The following SEPTIN11 variants were observed in gnomAD, a reference collection of about 807,000 sequenced individuals.
The protein encoded by SEPTIN11 is septin 11, also known as septin-11.
SEPTIN11 carries 25 observed loss-of-function variants against 51.4 expected under a neutral mutation model. The ratio of observed to expected loss-of-function variants is 0.49; its 90% CI spans 0.35 to 0.68. The LOEUF (loss-of-function observed/expected upper bound fraction) is 0.68, where lower values mean the gene tolerates loss of function less well. Among genes scored for constraint, SEPTIN11 ranks in the 30% least tolerant of loss-of-function variants. SEPTIN11 has a pLI of 0.00. For missense variants in SEPTIN11, 381 were observed against 520.8 expected (o/e 0.73, Z 2.61); for synonymous variants, 174 against 184.1 (o/e 0.95, Z 0.44).
chr4:76,949,813 G>A lies in SEPTIN11; in HGVS notation c.-91G>A. The A allele has an allele frequency of 7.2e-7, 1 of 1,391,082 alleles. No homozygotes were observed. The highest frequency in any genetic ancestry group is 1.3e-5 in the South Asian group (1 of 78,430). The allele number at this position is 1,391,082 out of a possible 1,614,324, so 86.2% of individuals were successfully genotyped here. Reference sequence around the variant, plus strand: ...AGCAGAGCGCAGCCGCGAGGGAGGCGCGAGGGAGGCGAGCCGGAGCCCGAG... The same window carrying A: ...AGCAGAGCGCAGCCGCGAGGGAGGCACGAGGGAGGCGAGCCGGAGCCCGAG... On this transcript the variant is annotated 5_prime_UTR_variant, in exon 1 of 10. Coordinates refer to ENST00000264893, the MANE Select transcript of SEPTIN11 (RefSeq NM_018243.4).
In SEPTIN11 at chr4:77,036,385, A is replaced by T; in HGVS notation, c.*1873A>T. 1 of 1,083,712 alleles carries T rather than the reference A, an allele frequency of 9.2e-7. No individual in the cohort carries two copies. The allele number at this position is 1,083,712 out of a possible 1,614,324, so 67.1% of individuals were successfully genotyped here. ...AATTTGCTCATAGGCTGTGCATCAG[A>T]CAAAAGCTTGAATATTTGTGTTGTA... On this transcript the variant is annotated 3_prime_UTR_variant, in exon 10 of 10. Coordinates refer to ENST00000264893, the MANE Select transcript of SEPTIN11 (RefSeq NM_018243.4).
chr4:76,960,116 G>T (rs1462717658), intron 1 of SEPTIN11, among the ~76,000 whole-genome samples: 6 of 152,194 alleles, frequency 3.9e-5, no homozygotes, highest in Non-Finnish European at 8.8e-5. Context: ...GAATGTCATG[G>T]AAACTACGTA....
chr4:76,958,904 G>C (rs998778466), intron 1 of SEPTIN11: 3 of 1,469,656 alleles, frequency 2.0e-6, no homozygotes, highest in Non-Finnish European at 2.9e-6. Flanking sequence ...ATTGGCCCCA[G>C]AAAATTCACC....
chr4:76,949,894 C>G lies in SEPTIN11; in HGVS notation c.-10C>G. On this transcript the variant is annotated 5_prime_UTR_variant, in exon 1 of 10. Coordinates refer to ENST00000264893, the MANE Select transcript of SEPTIN11 (RefSeq NM_018243.4). ...ACCCGGGCGCAGCCGGAGCCGGTGC[C>G]GCAGCTGCGATGGCCGTGGCCGTGG... is the stretch of plus-strand genomic sequence containing the variant. The G allele has an allele frequency of 1.3e-6, 2 of 1,529,054 alleles. No individual in the cohort carries two copies. The highest frequency in any genetic ancestry group is 1.7e-6 in the Non-Finnish European group (2 of 1,145,742). The allele number at this position is 1,529,054 out of a possible 1,614,324, so 94.7% of individuals were successfully genotyped here.
At chr4:76,983,745 C>T (rs1260961993) in intron 1 of SEPTIN11, among the ~76,000 whole-genome samples, 1 of 152,162 alleles carries the variant, frequency 6.6e-6, no homozygotes, top group African/African-American at 2.4e-5. Context: ...TGTGGTGGCT[C>T]ATGCCCGTAA....
intron 1 of SEPTIN11, among the ~76,000 whole-genome samples, chr4:76,970,989 A>T (rs1578127179): frequency 6.6e-6 from 1 of 152,222 alleles, no homozygotes; most frequent in East Asian, 1.9e-4. Flanking sequence ...TATTCATTAG[A>T]TATCTTTGTC....
rs1348753246 is a variant in SEPTIN11 at position 76,950,028 on chromosome 4, C to T, written c.27+98C>T. The T allele has an allele frequency of 7.3e-6, 9 of 1,225,774 alleles. 1 individual carries two copies. The African/African-American group carries it at 1.5e-4, about 21-fold the overall frequency. 75.9% of individuals were successfully genotyped at this position (1,225,774 alleles called of 1,614,324 possible). A position where few individuals can be genotyped will look rare whatever the true frequency, so the allele number is the denominator to read the frequency against. ...ACCACAGGGGAGCCGGGCGGGTGCT[C>T]GGCCCCGCGGCGGCGGCGACGGCTG... On this transcript the variant is annotated intron_variant, in intron 1 of 9. Transcript: ENST00000264893.
intron 1 of SEPTIN11, among the ~76,000 whole-genome samples, chr4:76,983,837 G>A (rs186235813): frequency 3.7e-4 from 57 of 152,182 alleles, no homozygotes; most frequent in African/African-American, 1.1e-3. Context: ...GTGAAACCCC[G>A]TGTCTACTAA....
Position 77,033,658 on chromosome 4 carries a change from G to C in SEPTIN11, c.1275-839G>C, listed in dbSNP as rs150865395. Among the ~76,000 whole-genome samples, 428 of 152,306 alleles carry C rather than the reference G, an allele frequency of 2.8e-3. 2 individuals carry two copies. The highest frequency in any genetic ancestry group is 9.8e-3 in the African/African-American group (407 of 41,560). Reference sequence around the variant, plus strand: ...TGGTGGGACTGCCCAGGGGTAAGTTGGTCAGTGGACAGTGTTCCTCTTTTC... The same window carrying C: ...TGGTGGGACTGCCCAGGGGTAAGTTCGTCAGTGGACAGTGTTCCTCTTTTC... On this transcript the variant is annotated intron_variant, in intron 9 of 9. Transcript: ENST00000264893.
intron 2 of SEPTIN11, among the ~76,000 whole-genome samples, chr4:76,999,188 G>A (rs949457876): frequency 1.3e-5 from 2 of 152,144 alleles, no homozygotes; most frequent in Admixed American, 6.5e-5. Context: ...TGGGGCCAGC[G>A]TGAGCTCTTT....
rs567854700 is a variant in SEPTIN11 at position 77,036,094 on chromosome 4, C to T, written c.*1582C>T. The T allele has an allele frequency of 1.0e-4, 99 of 985,858 alleles. No individual in the cohort carries two copies. The African/African-American group carries it at 1.5e-3, about 15-fold the overall frequency. The allele number at this position is 985,858 out of a possible 1,614,324, so 61.1% of individuals were successfully genotyped here. On this transcript the variant is annotated 3_prime_UTR_variant, in exon 10 of 10. Coordinates refer to ENST00000264893, the MANE Select transcript of SEPTIN11 (RefSeq NM_018243.4). Reference sequence around the variant, plus strand: ...TTTTTCTCCTTTTCTTTGTCCTCAACCATACTTAGAGGAAAGAAGGAATGG... The same window carrying T: ...TTTTTCTCCTTTTCTTTGTCCTCAATCATACTTAGAGGAAAGAAGGAATGG...
chr4:77,024,155 C>T lies in SEPTIN11; in HGVS notation c.953+3485C>T, dbSNP rs1406095152. The stretch of plus-strand genomic sequence containing the variant: ...CAGTGTGAGGCAAAAGGAGGAGTAG[C>T]GCGCGCACAGAAACGCCGTATTCAA... On this transcript the variant is annotated intron_variant, in intron 7 of 9. Coordinates refer to ENST00000264893, the MANE Select transcript of SEPTIN11 (RefSeq NM_018243.4). This position sits in a 1 kb window ranked among gnomAD's most constrained non-coding sequence, Gnocchi z 4.2. 6.6e-6 allele frequency among the ~76,000 whole-genome samples: 1 copy of T among 152,100 alleles called. No individual in the cohort carries two copies. Among genetic ancestry groups the T allele is most frequent in the African/African-American group, 2.4e-5 (1 of 41,416 alleles).
chr4:77,020,389 G>T, intron 6 of SEPTIN11, 113 bp from the exon 7 acceptor site: 1 of 1,297,104 alleles, frequency 7.7e-7, no homozygotes, highest in Non-Finnish European at 1.1e-6. Context: ...AGATGGTCTT[G>T]AGACCCCAGA....
rs1019847439 is a variant in SEPTIN11 at position 77,035,680 on chromosome 4, T to C, written c.*1168T>C. ...TAGAACAGCTGAAGTCTCAAATCAT[T>C]GTCTGGAATTTTCCTCACCTTGGCT... is the stretch of plus-strand genomic sequence containing the variant. On this transcript the variant is annotated 3_prime_UTR_variant, in exon 10 of 10. Coordinates refer to ENST00000264893, the MANE Select transcript of SEPTIN11 (RefSeq NM_018243.4). 2.0e-6 allele frequency: 2 copies of C among 985,708 alleles called. No individual in the cohort carries two copies. Among genetic ancestry groups the C allele is most frequent in the African/African-American group, 1.7e-5 (1 of 57,224 alleles). The allele number at this position is 985,708 out of a possible 1,614,324, so 61.1% of individuals were successfully genotyped here.
chr4:77,011,610 C>A, intron 3 of SEPTIN11, 125 bp from the exon 4 acceptor site: 2 of 780,484 alleles, frequency 2.6e-6, no homozygotes, highest in South Asian at 1.7e-5. Context: ...TGATGGAAGG[C>A]CTGGATACCT....
At chr4:76,991,276 C>G (rs1464337204) in intron 1 of SEPTIN11, among the ~76,000 whole-genome samples, 1 of 152,174 alleles carries the variant, frequency 6.6e-6, no homozygotes, top group African/African-American at 2.4e-5. Flanking sequence ...TATGAGAGAG[C>G]CTAGCACCTC....
At chr4:76,954,113 G>C (rs1051406778) in intron 1 of SEPTIN11, among the ~76,000 whole-genome samples, 1 of 152,216 alleles carries the variant, frequency 6.6e-6, no homozygotes, top group African/African-American at 2.4e-5. Flanking sequence ...GTGGGACTCT[G>C]CTGTTTCCTT....
intron 1 of SEPTIN11, chr4:76,996,022 T>A: frequency 7.8e-7 from 1 of 1,279,564 alleles, no homozygotes; most frequent in Non-Finnish European, 1.1e-6. Flanking sequence ...TCTGGAAGAG[T>A]GTTAAATATT....
Position 77,037,075 on chromosome 4 carries a change from A to C in SEPTIN11, c.*2563A>C. On this transcript the variant is annotated 3_prime_UTR_variant, in exon 10 of 10. Coordinates refer to ENST00000264893, the MANE Select transcript of SEPTIN11 (RefSeq NM_018243.4). ...TGAATTTGGAAATCCGAAATTACTAATCCAGGCCAGGTGTGGTGGCTCATG... is the reference window on the plus strand; with the variant it reads ...TGAATTTGGAAATCCGAAATTACTACTCCAGGCCAGGTGTGGTGGCTCATG... 1.8e-6 allele frequency: 2 copies of C among 1,125,844 alleles called. No homozygotes were observed. The highest frequency in any genetic ancestry group is 1.6e-5 in the African/African-American group (1 of 61,156). The allele number at this position is 1,125,844 out of a possible 1,614,324, so 69.7% of individuals were successfully genotyped here. A position where few individuals can be genotyped will look rare whatever the true frequency, so the allele number is the denominator to read the frequency against.
Sources: allele counts gnomAD v4.1 joint callset (sites outside exome capture counted in the v4.1 genomes callset), GRCh38; gene constraint gnomAD v4.1.1; non-coding constraint Gnocchi (gnomAD v3.1); transcripts MANE v1.5; gene names NCBI Gene and HGNC (gene_info 2026-07-23, HGNC 2026-07-21).